Variants in MED13 observed in about 807,000 individuals in gnomAD.
MED13 encodes mediator of RNA polymerase II transcription subunit 13.
A neutral mutation model predicts 225.2 loss-of-function variants in MED13; 23 were observed. The observed-to-expected ratio is 0.10, with a 90% CI of 0.07 to 0.14. The LOEUF (loss-of-function observed/expected upper bound fraction) is 0.14, where lower values mean the gene tolerates loss of function less well. MED13 is among the 10% of genes least tolerant of loss of function. The pLI, the probability that MED13 is intolerant of heterozygous loss-of-function variation, is 1.00. For synonymous variants in MED13, 942 were observed against 889.2 expected, an observed-to-expected ratio of 1.06 and a Z score of -1.06; for missense variants, 2,197 against 2,594.5, an observed-to-expected ratio of 0.85 and a Z score of 3.33.
intron 8 of MED13, among the ~76,000 whole-genome samples, chr17:62,023,348 G>C (rs1010759218): frequency 6.6e-6 from 1 of 152,144 alleles, no homozygotes; most frequent in Non-Finnish European, 1.5e-5. Context: ...GAAACCCAGA[G>C]ACTAGTAATA....
intron 2 of MED13, among the ~76,000 whole-genome samples, chr17:62,055,951 T>G (rs1490077279): frequency 6.6e-6 from 1 of 152,224 alleles, no homozygotes; most frequent in African/African-American, 2.4e-5. Context: ...CAATTCTCAT[T>G]AACACTAAAT....
chr17:62,026,041 C>T (rs1305549607), intron 8 of MED13, among the ~76,000 whole-genome samples: 1 of 152,152 alleles, frequency 6.6e-6, no homozygotes, highest in Non-Finnish European at 1.5e-5. Context: ...TGCAGGCACT[C>T]CATTTGTTTG....
chr17:62,011,887 A>G (rs999809953), intron 8 of MED13, among the ~76,000 whole-genome samples: 2 of 152,192 alleles, frequency 1.3e-5, no homozygotes, highest in Admixed American at 6.5e-5. Context: ...GAAGAACTTA[A>G]ATGATACACC....
At position 61,965,227 on chromosome 17, in the gene MED13, T is replaced by C. The variant is rs758095515; in HGVS notation, c.4623A>G (p.Ser1541=). The C allele has an allele frequency of 6.2e-7, 1 of 1,614,156 alleles. No homozygotes were observed. The highest frequency in any genetic ancestry group is 8.5e-7 in the Non-Finnish European group (1 of 1,179,990). Residue 1541 remains serine, a synonymous_variant, in exon 20 of 30, where the codon TCA becomes TCG. Transcript: ENST00000397786. ...STLTTASTSS[S]SSSNLNSGVS... is the part of the protein sequence containing the mutation. ...CTCCACTATTCAAGTTGGAGGATGA[T>C]GAAGATGAAGTTGAAGCTGTGGTCA...
In MED13 at chr17:61,962,939, G is replaced by T; in HGVS notation, c.4877C>A (p.Thr1626Lys). The change falls in exon 21 of 30, where the codon ACA (threonine) becomes AAA (lysine). Residue 1626 changes from threonine (T) to lysine (K), a missense_variant. This residue lies in a region of MED13 where 457 missense variants were observed against 442.2 expected (regional missense o/e 1.03). Coordinates refer to ENST00000397786, the MANE Select transcript of MED13 (RefSeq NM_005121.3). The stretch of plus-strand genomic sequence containing the variant: ...CGTGACTGCATGTGAATCACCATCT[G>T]TGGGGATTCCCACTTTATCCCGATC... ...TMDRDKVGIP[T>K]DGDSHAVTYP... is the part of the protein sequence containing the mutation. 6.2e-7 allele frequency: 1 copy of T among 1,613,974 alleles called. No homozygotes were observed. The highest frequency in any genetic ancestry group is 8.5e-7 in the Non-Finnish European group (1 of 1,179,942).
intron 10 of MED13, among the ~76,000 whole-genome samples, chr17:61,994,504 G>C (rs1393044408): frequency 4.6e-5 from 7 of 151,942 alleles, no homozygotes; most frequent in Non-Finnish European, 1.0e-4. Context: ...ATATTTTATT[G>C]TATCTTTGAA....
Position 61,955,378 on chromosome 17 carries a change from G to A in MED13, c.5968+4C>T, listed in dbSNP as rs535566775. The A allele has an allele frequency of 1.7e-5, 26 of 1,518,686 alleles. No homozygotes were observed. In the East Asian group the frequency reaches 1.9e-4, roughly 11 times the overall value. The allele number at this position is 1,518,686 out of a possible 1,614,324, so 94.1% of individuals were successfully genotyped here. ...AGACTACCAAAATGGAACAAATTAC[G>A]TACCATTGTTGGGATTGAAAGCTAA... On this transcript the variant is annotated splice_donor_region_variant and intron_variant, in intron 26 of 29. Coordinates refer to ENST00000397786, the MANE Select transcript of MED13 (RefSeq NM_005121.3).
chr17:62,025,304 C>T (rs2080690678), intron 8 of MED13, among the ~76,000 whole-genome samples: 2 of 152,188 alleles, frequency 1.3e-5, no homozygotes, highest in South Asian at 2.1e-4. Context: ...TACTGAAATC[C>T]GAATTTCACA....
At position 61,943,299 on chromosome 17, in the gene MED13, T is replaced by C. The variant is rs1366605430; in HGVS notation, c.*3169A>G. On this transcript the variant is annotated 3_prime_UTR_variant, in exon 30 of 30. Transcript: ENST00000397786. Reference sequence around the variant, plus strand: ...GCCATAGTGGATGAATAGCAAATTATATGATGCAATAGCATTTAAAAACTT... The same window carrying C: ...GCCATAGTGGATGAATAGCAAATTACATGATGCAATAGCATTTAAAAACTT... The C allele has an allele frequency of 1.3e-5, 2 of 152,624 alleles. No individual in the cohort carries two copies. Among genetic ancestry groups the C allele is most frequent in the South Asian group, 4.1e-4 (2 of 4,836 alleles). The allele number at this position is 152,624 out of a possible 1,614,324, so 9.5% of individuals were successfully genotyped here. A position where few individuals can be genotyped will look rare whatever the true frequency, so the allele number is the denominator to read the frequency against.
At chr17:62,061,060 A>T (rs1011638308) in intron 2 of MED13, among the ~76,000 whole-genome samples, 7 of 152,172 alleles carry the variant, frequency 4.6e-5, no homozygotes, top group African/African-American at 1.7e-4. Context: ...CTAAAAATCA[A>T]AGCTAGAGAA....
At chr17:62,063,703 C>T (rs1225031773) in intron 1 of MED13, among the ~76,000 whole-genome samples, 2 of 152,200 alleles carry the variant, frequency 1.3e-5, no homozygotes, top group Non-Finnish European at 2.9e-5. Flanking sequence ...TTTTATTCCA[C>T]ATTTACAGAA....
At chr17:61,989,819 T>C (rs985610145) in intron 11 of MED13, among the ~76,000 whole-genome samples, 1 of 152,256 alleles carries the variant, frequency 6.6e-6, no homozygotes, top group Non-Finnish European at 1.5e-5. Context: ...AACTTTGTTC[T>C]TTTTGCTCAA....
intron 22 of MED13, 89 bp from the exon 23 acceptor site, chr17:61,961,179 A>C: frequency 1.8e-6 from 2 of 1,134,304 alleles, no homozygotes; most frequent in Non-Finnish European, 1.2e-6. Context: ...ACCCAATTAT[A>C]AGATAATTGG....
chr17:62,057,585 C>T (rs772027580), intron 2 of MED13, among the ~76,000 whole-genome samples: 20 of 152,208 alleles, frequency 1.3e-4, no homozygotes, highest in Non-Finnish European at 2.9e-4. Context: ...GATTCCTATG[C>T]CTGGCTGTTT....
intron 27 of MED13, among the ~76,000 whole-genome samples, chr17:61,952,639 G>T (rs941589008): frequency 2.6e-5 from 4 of 152,116 alleles, no homozygotes; most frequent in Admixed American, 2.0e-4. Context: ...AATTTCCAAG[G>T]AAAAATAGTA....
chr17:62,052,781 TTAAACTC>T (rs2080967325), intron 2 of MED13, 76 bp from the exon 3 acceptor site: 6 of 1,070,556 alleles, frequency 5.6e-6, no homozygotes, highest in Non-Finnish European at 7.8e-6. Context: ...AGGTTACAGT[TTAAACTC>T]TATATTCATC....
At chr17:61,949,684 C>A (rs1255205944) in intron 28 of MED13, among the ~76,000 whole-genome samples, 6 of 151,588 alleles carry the variant, frequency 4.0e-5, no homozygotes, top group Non-Finnish European at 8.8e-5. Context: ...GATTATAAAT[C>A]TTTTTTTTGT....
chr17:61,960,877 C>T lies in MED13; in HGVS notation c.5470G>A (p.Val1824Ile), dbSNP rs769104466. ...LLETCIINID[V>I]PNRARRKKSS... The stretch of plus-strand genomic sequence containing the variant: ...GGGAAATACAAATACCTATTTGGAA[C>T]ATCGATGTTAATGATACAAGTTTCT... The change falls in exon 23 of 30, where the codon GTT (valine) becomes ATT (isoleucine). Residue 1824 changes from valine to isoleucine, a missense_variant. By Grantham distance (29) the Val-to-Ile change is conservative. Around this residue, in one of 12 missense-constraint regions of MED13, gnomAD observed 78 missense variants for 82.1 expected, o/e 0.95. Transcript: ENST00000397786. 1 of 1,600,240 alleles carries T rather than the reference C, an allele frequency of 6.2e-7. No homozygotes were observed. Among genetic ancestry groups the T allele is most frequent in the South Asian group, 1.1e-5 (1 of 90,578 alleles).
chr17:62,063,050 T>C lies in MED13; in HGVS notation c.301+17A>G, dbSNP rs1379559660. The C allele has an allele frequency of 1.9e-6, 3 of 1,575,972 alleles. No homozygotes were observed. The highest frequency in any genetic ancestry group is 2.6e-6 in the Non-Finnish European group (3 of 1,146,342). ...ATGTTGCTATATCATTAGTTAGAAA[T>C]GGAAAGTTTCTTTCACCTGATAAGT... On this transcript the variant is annotated intron_variant, in intron 2 of 29. Transcript: ENST00000397786.
Sources: gnomAD v4.1 joint callset for allele counts (sites outside exome capture counted in the v4.1 genomes callset) on GRCh38, gnomAD v4.1.1 for gene constraint, gnomAD v4.1.1 regional missense constraint, MANE v1.5 for transcripts, NCBI Gene and HGNC (gene_info 2026-07-23, HGNC 2026-07-21) for gene names.